Variants in MSRA observed in about 807,000 individuals in gnomAD.
The protein encoded by MSRA is methionine sulfoxide reductase A, also known as mitochondrial peptide methionine sulfoxide reductase.
A neutral mutation model predicts 31.3 loss-of-function variants in MSRA; 54 were observed. That is an observed-to-expected ratio of 1.73 (90% confidence interval 1.39 to 2.17). The LOEUF is 2.17. MSRA is among the 30% of genes most tolerant of loss of function. The pLI is 0.00. For missense variants in MSRA, 507 were observed against 300.9 expected (o/e 1.69, Z -5.07); for synonymous variants, 169 against 116.5 (o/e 1.45, Z -2.90).
intron 1 of MSRA, among the ~76,000 whole-genome samples, chr8:10,131,722 G>T (rs1222401753): frequency 1.3e-5 from 2 of 152,102 alleles, no homozygotes; most frequent in East Asian, 1.9e-4. Flanking sequence ...ATTCCCTATG[G>T]CCAGTGTCCA....
At chr8:10,335,098 C>T (rs11992476) in intron 5 of MSRA, among the ~76,000 whole-genome samples, 1 of 152,214 alleles carries the variant, frequency 6.6e-6, no homozygotes, top group Non-Finnish European at 1.5e-5. Flanking sequence ...GGGACCGCCC[C>T]CCGCACCGTG....
At chr8:10,312,831 G>A (rs961352402) in intron 4 of MSRA, among the ~76,000 whole-genome samples, 3 of 152,060 alleles carry the variant, frequency 2.0e-5, no homozygotes, top group African/African-American at 7.2e-5. Flanking sequence ...AAAAAGTACT[G>A]AATACAATTC....
At chr8:10,155,408 G>A (rs75122176) in intron 1 of MSRA, among the ~76,000 whole-genome samples, 1 of 152,140 alleles carries the variant, frequency 6.6e-6, no homozygotes. Flanking sequence ...CACTGTTGTG[G>A]TTGTATCAAC....
At chr8:10,287,022 T>G (rs1799974416) in intron 3 of MSRA, among the ~76,000 whole-genome samples, 1 of 152,248 alleles carries the variant, frequency 6.6e-6, no homozygotes, top group Non-Finnish European at 1.5e-5. Context: ...GCCAATGCCC[T>G]TGGCACAGTT....
intron 1 of MSRA, among the ~76,000 whole-genome samples, chr8:10,182,496 C>T (rs1185332490): frequency 6.6e-6 from 1 of 152,176 alleles, no homozygotes; most frequent in African/African-American, 2.4e-5. Context: ...TCTGAAGGCT[C>T]AACTGGGGAA....
chr8:10,172,174 G>A (rs533067405), intron 1 of MSRA, among the ~76,000 whole-genome samples: 3 of 152,298 alleles, frequency 2.0e-5, no homozygotes, highest in South Asian at 2.1e-4. Context: ...AGGGAGTGAC[G>A]GACAAAGGCA....
intron 5 of MSRA, among the ~76,000 whole-genome samples, chr8:10,426,483 G>A (rs2129198698): frequency 6.6e-6 from 1 of 152,380 alleles, no homozygotes; most frequent in South Asian, 2.1e-4. Flanking sequence ...TCTTGGGTCT[G>A]CTTCCTGCAG....
intron 1 of MSRA, among the ~76,000 whole-genome samples, chr8:10,189,875 A>G (rs1807363543): frequency 6.6e-6 from 1 of 152,096 alleles, no homozygotes; most frequent in Admixed American, 6.5e-5. Context: ...TCTTTTTTCA[A>G]GGCGTTTACA....
intron 1 of MSRA, among the ~76,000 whole-genome samples, chr8:10,112,841 A>G (rs539119009): frequency 6.6e-6 from 1 of 152,252 alleles, no homozygotes; most frequent in South Asian, 2.1e-4. Context: ...CCATTGCTGC[A>G]GCCATTCCTT....
At position 10,312,110 on chromosome 8, in the gene MSRA, C is replaced by T. The variant is rs76157231; in HGVS notation, c.437-7773C>T. 1.7e-3 allele frequency among the ~76,000 whole-genome samples: 258 copies of T among 152,230 alleles called. 4 individuals carry two copies. The East Asian group carries it at 0.039, about 23-fold the overall frequency. On this transcript the variant is annotated intron_variant, in intron 4 of 5. Transcript: ENST00000317173. ...AAAAGAAGCTGAGCTAAGCGTCCAT[C>T]TCAAGAACTTAGAAAATCAGCAACA...
chr8:10,069,566 C>T lies in MSRA; in HGVS notation c.142+14908C>T, dbSNP rs141310416. Among the ~76,000 whole-genome samples, 1,265 of 152,304 alleles carry T rather than the reference C, an allele frequency of 8.3e-3. 33 individuals carry two copies. In the South Asian group the frequency reaches 0.098, roughly 12 times the overall value. On this transcript the variant is annotated intron_variant, in intron 1 of 5. Coordinates refer to ENST00000317173, the MANE Select transcript of MSRA (RefSeq NM_012331.5). ...GTCTGCTGAAGGCTGTTCTCTGCTT[C>T]AAAGATGGTTCCTCTGGATTGGAGA...
At chr8:10,321,597 A>T (rs1156772341) in intron 5 of MSRA, among the ~76,000 whole-genome samples, 1 of 152,136 alleles carries the variant, frequency 6.6e-6, no homozygotes, top group Non-Finnish European at 1.5e-5. Flanking sequence ...GCATTTAGCA[A>T]CTCACTTCTA....
intron 5 of MSRA, among the ~76,000 whole-genome samples, chr8:10,336,603 G>A (rs564986589): frequency 1.3e-5 from 2 of 152,272 alleles, no homozygotes; most frequent in South Asian, 2.1e-4. Flanking sequence ...AGTGAAATTA[G>A]GCTCTTGTTT....
intron 1 of MSRA, 74 bp downstream of exon 1, chr8:10,054,732 C>T (rs550979515): frequency 1.4e-5 from 19 of 1,378,674 alleles, no homozygotes; most frequent in Admixed American, 1.2e-4. Context: ...GCAGCGCGCC[C>T]GCTGCCCGGA....
chr8:10,144,482 G>A (rs980829815), intron 1 of MSRA, among the ~76,000 whole-genome samples: 3 of 152,154 alleles, frequency 2.0e-5, no homozygotes, highest in African/African-American at 7.2e-5. Flanking sequence ...CATCAGTGTT[G>A]TATAGGTGTT....
chr8:10,089,925 A>G (rs1182645719), intron 1 of MSRA, among the ~76,000 whole-genome samples: 1 of 152,172 alleles, frequency 6.6e-6, no homozygotes, highest in Admixed American at 6.5e-5. Context: ...TGCCCCCAGG[A>G]GCCGAACACC....
chr8:10,399,118 A>C (rs1030084122), intron 5 of MSRA, among the ~76,000 whole-genome samples: 4 of 152,246 alleles, frequency 2.6e-5, no homozygotes, highest in African/African-American at 9.6e-5. Flanking sequence ...TAAAGATGGA[A>C]CTTGAAGTTA....
chr8:10,335,104 C>G (rs114215743), intron 5 of MSRA, among the ~76,000 whole-genome samples: 85 of 152,334 alleles, frequency 5.6e-4, no homozygotes, highest in African/African-American at 2.0e-3. Context: ...GCCCCCCGCA[C>G]CGTGCGCCCC....
intron 5 of MSRA, among the ~76,000 whole-genome samples, chr8:10,347,075 C>T (rs1803828973): frequency 1.3e-5 from 2 of 152,210 alleles, no homozygotes; most frequent in Admixed American, 1.3e-4. Context: ...ACAGCACCTG[C>T]ACTTTGATCA....
Sources: gnomAD v4.1 joint callset for allele counts (sites outside exome capture counted in the v4.1 genomes callset) on GRCh38, gnomAD v4.1.1 for gene constraint, MANE v1.5 for transcripts, NCBI Gene and HGNC (gene_info 2026-07-23, HGNC 2026-07-21) for gene names.